C4orf50: variants seen among roughly 807,000 people sequenced by gnomAD.
C4orf50 encodes chromosome 4 open reading frame 50.
Under a neutral mutation model 77.2 loss-of-function variants are expected in C4orf50, and 80 were observed. That is an observed-to-expected ratio of 1.04 (90% CI 0.87 to 1.25). The LOEUF (loss-of-function observed/expected upper bound fraction) is 1.25. Among genes scored for constraint, C4orf50 ranks in the 50% most tolerant of loss-of-function variants. C4orf50 has a pLI of 0.00. For synonymous variants in C4orf50, 532 were observed against 465.3 expected (o/e 1.14, Z -1.84); for missense variants, 1,257 against 1,152.9 (o/e 1.09, Z -1.31).
intron 7 of C4orf50, among the ~76,000 whole-genome samples, chr4:5,907,165 A>G (rs1716587281): frequency 6.6e-6 from 1 of 152,094 alleles, no homozygotes; most frequent in Non-Finnish European, 1.5e-5. Context: ...AACTGTCACT[A>G]GAAGCAGGTG....
chr4:5,913,551 A>C (rs762895049), intron 7 of C4orf50, among the ~76,000 whole-genome samples: 1 of 152,188 alleles, frequency 6.6e-6, no homozygotes, highest in Non-Finnish European at 1.5e-5. Context: ...AAAATGCCCT[A>C]ATATTTTGTT....
At chr4:5,911,746 C>A (rs1716815205) in intron 7 of C4orf50, among the ~76,000 whole-genome samples, 1 of 152,078 alleles carries the variant, frequency 6.6e-6, no homozygotes, top group Non-Finnish European at 1.5e-5. Flanking sequence ...AAAACAAAAA[C>A]AAAAACAAAA....
rs1426825759 is a variant in C4orf50, at chr4:6,009,504, C to T, written c.427-972G>A. ...GCAGATAAAAGTCAGGGTCAGATTC[C>T]CTGGGAGGACAATTCTCCTGGTCTT... On this transcript the variant is annotated intron_variant, in intron 24 of 33. Transcript: ENST00000531445. The surrounding 1 kb of genome is among the most constrained non-coding windows in gnomAD (Gnocchi z 5.6). Among the ~76,000 whole-genome samples the T allele has an allele frequency of 6.6e-6, 1 of 152,158 alleles. No individual in the cohort carries two copies. Among genetic ancestry groups the T allele is most frequent in the African/African-American group, 2.4e-5 (1 of 41,424 alleles).
chr4:5,954,148 C>G (rs1007105198), downstream of C4orf50, among the ~76,000 whole-genome samples: 17 of 152,222 alleles, frequency 1.1e-4, no homozygotes, highest in African/African-American at 4.1e-4. The surrounding 1 kb of genome is among the most constrained non-coding windows in gnomAD (Gnocchi z 4.7). Context: ...AGTAGGCCCA[C>G]AGCAGTCAGT....
intron 28 of C4orf50, among the ~76,000 whole-genome samples, chr4:5,986,914 T>C (rs1263197364): frequency 6.6e-6 from 1 of 152,186 alleles, no homozygotes. Context: ...AGATAGGCAG[T>C]ACATATTCCT....
chr4:5,942,442 G>C (rs1004661813), intron 7 of C4orf50, among the ~76,000 whole-genome samples: 1 of 152,164 alleles, frequency 6.6e-6, no homozygotes, highest in Non-Finnish European at 1.5e-5. Flanking sequence ...CAGTTTCTTG[G>C]CATCATTTAG....
rs1721327565 is a variant in C4orf50 at position 5,992,182 on chromosome 4, AAAT to A, written c.1221+618_1221+620del. 6.6e-6 allele frequency among the ~76,000 whole-genome samples: 1 copy of A among 152,164 alleles called. No homozygotes were observed. Among genetic ancestry groups the A allele is most frequent in the African/African-American group, 2.4e-5 (1 of 41,438 alleles). On this transcript the variant is annotated intron_variant, in intron 27 of 33. Transcript: ENST00000531445. This position sits in a 1 kb window ranked among gnomAD's most constrained non-coding sequence, Gnocchi z 5.0. ...ATAGGGATGTGACATCCAACAACAA[AAAT>A]AAGAGATACATCGTGAGCAGGATGT...
In C4orf50 at chr4:6,009,752, C is replaced by T. The variant is rs1371612348; in HGVS notation, c.427-1220G>A. Reference sequence around the variant, plus strand: ...GGCATGGAAAACTCGCTCAAGCACTCCTGCAAAACTCGCTTCAAAATACAG... The same window carrying T: ...GGCATGGAAAACTCGCTCAAGCACTTCTGCAAAACTCGCTTCAAAATACAG... On this transcript the variant is annotated intron_variant, in intron 24 of 33. Transcript: ENST00000531445. This position sits in a 1 kb window ranked among gnomAD's most constrained non-coding sequence, Gnocchi z 5.6. Among the ~76,000 whole-genome samples, 1 of 152,156 alleles carries T rather than the reference C, an allele frequency of 6.6e-6. No individual in the cohort carries two copies. The highest frequency in any genetic ancestry group is 1.5e-5 in the Non-Finnish European group (1 of 68,016).
At chr4:6,004,226 G>GA (rs1722079332) in intron 25 of C4orf50, among the ~76,000 whole-genome samples, 2 of 29,092 alleles carry the variant, frequency 6.9e-5, no homozygotes, top group Non-Finnish European at 1.5e-4. Flanking sequence ...TGGTGATGAT[G>GA]TGATGGTGAT....
rs1185075722 is a variant in C4orf50 at position 6,011,599 on chromosome 4, G to C, written c.426+231C>G. 6.6e-6 allele frequency among the ~76,000 whole-genome samples: 1 copy of C among 152,114 alleles called. No individual in the cohort carries two copies. The highest frequency in any genetic ancestry group is 6.6e-5 in the Admixed American group (1 of 15,266). ...CCTCAGTCTGTGGCCTGGCGCTGAG[G>C]TCCTCAGGCACAAGAGCTTCCAGCA... On this transcript the variant is annotated intron_variant, in intron 24 of 33. Transcript: ENST00000531445. The surrounding 1 kb of genome is among the most constrained non-coding windows in gnomAD (Gnocchi z 4.2).
intron 32 of C4orf50, among the ~76,000 whole-genome samples, chr4:5,966,529 T>C (rs1228436552): frequency 6.6e-6 from 1 of 151,866 alleles, no homozygotes; most frequent in Admixed American, 6.6e-5. Flanking sequence ...AAAGCACTCA[T>C]GTTACCAACT....
intron 7 of C4orf50, among the ~76,000 whole-genome samples, chr4:5,926,795 G>T (rs2108742029): frequency 6.6e-6 from 1 of 152,248 alleles, no homozygotes; most frequent in South Asian, 2.1e-4. Context: ...CATCCTTCCA[G>T]CTGTTTCCCA....
In C4orf50 at chr4:5,973,756, AGC is replaced by A; in HGVS notation, c.4005_4006del (p.Leu1336GlyfsTer20). 6.2e-7 allele frequency: 1 copy of A among 1,613,962 alleles called. No individual in the cohort carries two copies. Among genetic ancestry groups the A allele is most frequent in the Non-Finnish European group, 8.5e-7 (1 of 1,179,974 alleles). On this transcript the variant is annotated frameshift_variant, in exon 31 of 34. Coordinates refer to ENST00000531445, the Ensembl canonical transcript of C4orf50. LOFTEE classifies it high-confidence loss of function. ...CAGCTCGGAGAGCAGGAGGTTCCCC[AGC>A]CCATGTCTGTGCAGCTCCTGCAGCA...
Position 6,011,048 on chromosome 4 carries a change from G to A in C4orf50, c.426+782C>T, listed in dbSNP as rs1457531181. 6.6e-6 allele frequency among the ~76,000 whole-genome samples: 1 copy of A among 152,144 alleles called. No individual in the cohort carries two copies. Among genetic ancestry groups the A allele is most frequent in the Non-Finnish European group, 1.5e-5 (1 of 68,016 alleles). On this transcript the variant is annotated intron_variant, in intron 24 of 33. Transcript: ENST00000531445. The surrounding 1 kb of genome is among the most constrained non-coding windows in gnomAD (Gnocchi z 4.2). ...AGCCAGGGTTTGGCTCCAGGCCTCT[G>A]CCTCCAGAGCCCCCCACCCTTAACT... is the stretch of plus-strand genomic sequence containing the variant.
At position 5,900,024 on chromosome 4, in the gene C4orf50, A is replaced by G. The variant is rs948284984; in HGVS notation, c.*2475-1836T>C. On this transcript the variant is annotated intron_variant, in intron 7 of 7. Coordinates refer to the C4orf50 transcript ENST00000324058. This position sits in a 1 kb window ranked among gnomAD's most constrained non-coding sequence, Gnocchi z 4.3. ...CGACCACATGACACTGTCTCAACAG[A>G]GAAAAACAGGTTGTGTCTAAAATAT... is the stretch of plus-strand genomic sequence containing the variant. The G allele has an allele frequency of 8.5e-5, 13 of 152,300 alleles. No homozygotes were observed. Among genetic ancestry groups the G allele is most frequent in the African/African-American group, 2.9e-4 (12 of 41,566 alleles). 9.4% of individuals were successfully genotyped at this position (152,300 alleles called of 1,614,324 possible). A position where few individuals can be genotyped will look rare whatever the true frequency, so the allele number is the denominator to read the frequency against.
intron 30 of C4orf50, among the ~76,000 whole-genome samples, chr4:5,975,339 C>T (rs913877631): frequency 6.6e-6 from 1 of 151,990 alleles, no homozygotes; most frequent in Admixed American, 6.6e-5. Flanking sequence ...GGACCCACCT[C>T]CTAGGTCACC....
chr4:5,975,826 T>C (rs4689290), intron 30 of C4orf50, 73 bp downstream of exon 8: 284,168 of 1,198,720 alleles, frequency 0.24, 39,858 homozygotes, highest in East Asian at 0.66. Flanking sequence ...GGATTACATG[T>C]CTAACAGGAA....
In C4orf50 at chr4:6,000,208, A is replaced by T. The variant is rs1011769606; in HGVS notation, c.964-5732T>A. On this transcript the variant is annotated intron_variant, in intron 25 of 33. Transcript: ENST00000531445. This position sits in a 1 kb window ranked among gnomAD's most constrained non-coding sequence, Gnocchi z 6.0. Reference sequence around the variant, plus strand: ...GCCTTGGGCAGTCACACAGCATGCGATGCTCTCTGGACTCTGCGACTTCAC... The same window carrying T: ...GCCTTGGGCAGTCACACAGCATGCGTTGCTCTCTGGACTCTGCGACTTCAC... 1.3e-5 allele frequency among the ~76,000 whole-genome samples: 2 copies of T among 151,998 alleles called. No homozygotes were observed. Among genetic ancestry groups the T allele is most frequent in the African/African-American group, 4.8e-5 (2 of 41,378 alleles).
In C4orf50 at chr4:6,009,435, A is replaced by G. The variant is rs1285822772; in HGVS notation, c.427-903T>C. ...GCAAACGTGAAAGAGGAAACCTGGA[A>G]ACAGCTCAGACAAGCTTTGTTTGAT... On this transcript the variant is annotated intron_variant, in intron 24 of 33. Transcript: ENST00000531445. This position sits in a 1 kb window ranked among gnomAD's most constrained non-coding sequence, Gnocchi z 5.6. Among the ~76,000 whole-genome samples the G allele has an allele frequency of 6.6e-6, 1 of 152,246 alleles. No individual in the cohort carries two copies. Among genetic ancestry groups the G allele is most frequent in the African/African-American group, 2.4e-5 (1 of 41,462 alleles).
Sources: gnomAD v4.1 joint callset for allele counts (sites outside exome capture counted in the v4.1 genomes callset) on GRCh38, gnomAD v4.1.1 for gene constraint, Gnocchi (gnomAD v3.1) non-coding constraint, MANE v1.5 for transcripts, NCBI Gene and HGNC (gene_info 2026-07-23, HGNC 2026-07-21) for gene names.